HMGXB4: variants seen among roughly 807,000 people sequenced by gnomAD.
HMGXB4 encodes the protein HMG domain-containing protein 4.
In HMGXB4, 27 loss-of-function variants were observed where a neutral mutation model predicts 63.9. That is an observed-to-expected ratio of 0.42 (90% CI 0.31 to 0.58). The LOEUF (loss-of-function observed/expected upper bound fraction) is 0.58. Among genes scored for constraint, HMGXB4 ranks in the 20% least tolerant of loss-of-function variants. HMGXB4 has a pLI of 0.13. For synonymous variants in HMGXB4, 264 were observed against 265.3 expected (o/e 0.99, Z 0.05); for missense variants, 624 against 700.7 (o/e 0.89, Z 1.24).
chr22:35,275,545 C>T (rs1218755606), intron 5 of HMGXB4, among the ~76,000 whole-genome samples: 1 of 152,006 alleles, frequency 6.6e-6, no homozygotes, highest in East Asian at 1.9e-4. Flanking sequence ...TTCTATGACC[C>T]AAAAAAGTTA....
Position 35,263,841 on chromosome 22 carries a change from A to T in HMGXB4, c.226A>T (p.Arg76Trp), listed in dbSNP as rs1370196221. Reference sequence around the variant, plus strand: ...GGGGACGGACACACACAAGAAGAAGAGGAAGCACTCCTCTGATGATTACTA... The same window carrying T: ...GGGGACGGACACACACAAGAAGAAGTGGAAGCACTCCTCTGATGATTACTA... ...FLGTDTHKKK[R>W]KHSSDDYYYG... The change falls in exon 4 of 11, where the codon AGG becomes TGG. Residue 76 changes from arginine to tryptophan, a missense_variant. Physicochemically the swap from Arg to Trp is moderately radical, Grantham distance 101 (BLOSUM62 -3). Around this residue, in one of 2 missense-constraint regions of HMGXB4, gnomAD observed 472 missense variants for 470.6 expected, o/e 1.00. Coordinates refer to ENST00000216106, the MANE Select transcript of HMGXB4 (RefSeq NM_001003681.3). 6.2e-7 allele frequency: 1 copy of T among 1,613,782 alleles called. No homozygotes were observed.
chr22:35,283,864 A>AAG (rs1246251761), intron 5 of HMGXB4, 98 bp from the exon 6 acceptor site: 1 of 806,230 alleles, frequency 1.2e-6, no homozygotes, highest in Non-Finnish European at 2.1e-6. Flanking sequence ...TTGATGAAAA[A>AAG]GTTTAGGTAT....
At chr22:35,249,845 G>T in the HMGXB4 span, 2 of 96,992 alleles carry the variant, frequency 2.1e-5, 1 homozygote, top group Non-Finnish European at 5.8e-5. Context: ...GAAAGAAAAA[G>T]AAAAGAAAAA....
chr22:35,244,607 G>A, the HMGXB4 span, among the ~76,000 whole-genome samples: 1 of 152,190 alleles, frequency 6.6e-6, no homozygotes, highest in Non-Finnish European at 1.5e-5. Flanking sequence ...TTGGGTCATA[G>A]CCTGTTCCTC....
Position 35,265,224 on chromosome 22 carries a change from G to T in HMGXB4, c.836G>T (p.Ser279Ile), listed in dbSNP as rs1038770016. ...GCCTCCCAGTTCGCAGAGTCCCACAGTGCTAACCTTGATCTTTCAGGGCTT... is the reference window on the plus strand; with the variant it reads ...GCCTCCCAGTTCGCAGAGTCCCACATTGCTAACCTTGATCTTTCAGGGCTT... ...SDASQFAESH[S>I]ANLDLSGLEP... The change falls in exon 5 of 11, where the codon AGT becomes ATT. Residue 279 changes from serine (S) to isoleucine (I), a missense_variant. Ser to Ile is a moderately radical substitution (Grantham distance 142). Around this residue, in one of 2 missense-constraint regions of HMGXB4, gnomAD observed 472 missense variants for 470.6 expected, o/e 1.00. Coordinates refer to ENST00000216106, the MANE Select transcript of HMGXB4 (RefSeq NM_001003681.3). The T allele has an allele frequency of 6.2e-7, 1 of 1,614,156 alleles. No homozygotes were observed. Among genetic ancestry groups the T allele is most frequent in the Non-Finnish European group, 8.5e-7 (1 of 1,180,034 alleles).
At chr22:35,260,117 T>C (rs1463590005) in intron 1 of HMGXB4, among the ~76,000 whole-genome samples, 1 of 152,260 alleles carries the variant, frequency 6.6e-6, no homozygotes, top group Non-Finnish European at 1.5e-5. Context: ...GGAAGGCCTG[T>C]TATAAGTCTC....
At chr22:35,262,540 AG>A (rs1922928865) in intron 2 of HMGXB4, 119 bp downstream of exon 2, 1 of 1,050,348 alleles carries the variant, frequency 9.5e-7, no homozygotes, top group African/African-American at 1.6e-5. Context: ...GATGGTCCAG[AG>A]CACTGTTATG....
chr22:35,251,279 G>C, the HMGXB4 span, among the ~76,000 whole-genome samples: 7 of 152,054 alleles, frequency 4.6e-5, no homozygotes, highest in Non-Finnish European at 8.8e-5. Flanking sequence ...GTTTCACCAT[G>C]TTAGCCAGGA....
intron 5 of HMGXB4, among the ~76,000 whole-genome samples, chr22:35,266,062 T>C (rs747841393): frequency 8.6e-5 from 13 of 152,018 alleles, no homozygotes; most frequent in African/African-American, 3.1e-4. Context: ...GTGCTAGGAT[T>C]ACAGGCATGA....
the HMGXB4 span, among the ~76,000 whole-genome samples, chr22:35,244,362 C>T: frequency 2.0e-5 from 3 of 149,640 alleles, no homozygotes; most frequent in Admixed American, 2.0e-4. Context: ...GGCGTGATCT[C>T]GGCTCACTGC....
At chr22:35,291,068 G>A (rs1924904873) in intron 9 of HMGXB4, among the ~76,000 whole-genome samples, 1 of 152,150 alleles carries the variant, frequency 6.6e-6, no homozygotes, top group East Asian at 1.9e-4. Context: ...TTCGAGACCA[G>A]CCTGGCCAAC....
At chr22:35,278,441 G>A (rs1050488220) in intron 5 of HMGXB4, among the ~76,000 whole-genome samples, 1 of 152,158 alleles carries the variant, frequency 6.6e-6, no homozygotes, top group Non-Finnish European at 1.5e-5. Context: ...GTTTTCCAAA[G>A]TGGCTGTACC....
At chr22:35,276,478 A>G (rs945509995) in intron 5 of HMGXB4, among the ~76,000 whole-genome samples, 1 of 152,250 alleles carries the variant, frequency 6.6e-6, no homozygotes, top group East Asian at 1.9e-4. Flanking sequence ...TGTCCCACTC[A>G]CTCCAAGGTA....
At chr22:35,248,978 A>AAGGC in the HMGXB4 span, among the ~76,000 whole-genome samples, 1 of 152,186 alleles carries the variant, frequency 6.6e-6, no homozygotes, top group Non-Finnish European at 1.5e-5. Flanking sequence ...AATGAATGTG[A>AAGGC]AGGCCTAGGG....
Position 35,283,943 on chromosome 22 carries a change from A to G in HMGXB4, c.1216-19A>G. On this transcript the variant is annotated intron_variant, in intron 5 of 10. Transcript: ENST00000216106. ...TTCTAATCAAGTCTTACCCTGTTGT[A>G]TCTTCTATGCGGCATTAGCCAAAAA... The G allele has an allele frequency of 6.3e-7, 1 of 1,589,914 alleles. No individual in the cohort carries two copies. Among genetic ancestry groups the G allele is most frequent in the African/African-American group, 1.3e-5 (1 of 74,804 alleles).
chr22:35,281,174 A>G (rs1210656643), intron 5 of HMGXB4, among the ~76,000 whole-genome samples: 1 of 152,216 alleles, frequency 6.6e-6, no homozygotes, highest in Non-Finnish European at 1.5e-5. Context: ...TTACTATCAC[A>G]TATTAGAAAA....
chr22:35,256,864 A>G (rs1922436725), upstream of HMGXB4, among the ~76,000 whole-genome samples: 1 of 152,222 alleles, frequency 6.6e-6, no homozygotes, highest in South Asian at 2.1e-4. Flanking sequence ...GAAGTTCTCA[A>G]TGGCAAATCA....
At chr22:35,272,951 A>G (rs931894170) in intron 5 of HMGXB4, among the ~76,000 whole-genome samples, 2 of 152,172 alleles carry the variant, frequency 1.3e-5, no homozygotes, top group Non-Finnish European at 2.9e-5. Flanking sequence ...AATAAATAAT[A>G]TCCCGTAATG....
upstream of HMGXB4, among the ~76,000 whole-genome samples, chr22:35,253,600 TGCGC>T (rs55731093): frequency 2.8e-4 from 42 of 151,152 alleles, no homozygotes; most frequent in South Asian, 6.3e-4. Context: ...TTGGATTTTG[TGCGC>T]GCGCGCGCGC....
Sources: gnomAD v4.1 joint callset for allele counts (sites outside exome capture counted in the v4.1 genomes callset) on GRCh38, gnomAD v4.1.1 for gene constraint, gnomAD v4.1.1 regional missense constraint, MANE v1.5 for transcripts, NCBI Gene and HGNC (gene_info 2026-07-23, HGNC 2026-07-21) for gene names.